The following PTPRD variants were observed in gnomAD, a reference collection of about 807,000 sequenced individuals.
PTPRD encodes the protein receptor-type tyrosine-protein phosphatase delta.
Under a neutral mutation model 214.5 loss-of-function variants are expected in PTPRD, and 34 were observed. The ratio of observed to expected loss-of-function variants is 0.16; its 90% CI spans 0.12 to 0.21. PTPRD has a LOEUF of 0.21. Among genes scored for constraint, PTPRD ranks in the 10% least tolerant of loss-of-function variants. The pLI is 1.00. For missense variants in PTPRD, 2,545 were observed against 2,398.7 expected (o/e 1.06, Z -1.27); for synonymous variants, 1,128 against 845.7 (o/e 1.33, Z -5.79).
intron 14 of PTPRD, among the ~76,000 whole-genome samples, chr9:8,632,056 T>C (rs566880055): frequency 2.0e-5 from 3 of 151,816 alleles, no homozygotes; most frequent in Non-Finnish European, 1.5e-5. Flanking sequence ...GTTTATACTA[T>C]TTCAAACGTA....
intron 9 of PTPRD, among the ~76,000 whole-genome samples, chr9:9,237,828 T>C (rs962775667): frequency 2.0e-5 from 3 of 152,152 alleles, no homozygotes; most frequent in Non-Finnish European, 4.4e-5. Flanking sequence ...GCTTCTTTTC[T>C]TGTTGCCATG....
At chr9:8,505,360 C>T (rs1304736162) in intron 22 of PTPRD, among the ~76,000 whole-genome samples, 3 of 152,084 alleles carry the variant, frequency 2.0e-5, no homozygotes, top group African/African-American at 2.4e-5. Context: ...CGGTGGCTCA[C>T]GCCTGTAATC....
chr9:8,645,774 C>T (rs1440302017), intron 12 of PTPRD, among the ~76,000 whole-genome samples: 1 of 151,878 alleles, frequency 6.6e-6, no homozygotes, highest in African/African-American at 2.4e-5. Context: ...GAAAGATTAC[C>T]TTCCAGCATC....
At chr9:8,826,293 G>A (rs2097173775) in intron 11 of PTPRD, among the ~76,000 whole-genome samples, 1 of 151,992 alleles carries the variant, frequency 6.6e-6, no homozygotes, top group Admixed American at 6.6e-5. Context: ...AAAGCATCCA[G>A]AATAATTTAT....
intron 2 of PTPRD, among the ~76,000 whole-genome samples, chr9:10,481,359 T>G (rs978705327): frequency 3.3e-5 from 5 of 152,172 alleles, no homozygotes; most frequent in Non-Finnish European, 7.4e-5. Flanking sequence ...TATGGAGAAA[T>G]TATATGATTC....
chr9:9,007,935 T>G (rs2099487722), intron 11 of PTPRD, among the ~76,000 whole-genome samples: 1 of 58,956 alleles, frequency 1.7e-5, no homozygotes, highest in Non-Finnish European at 4.6e-5. Flanking sequence ...ATTTTATTAT[T>G]ATTATACTTT....
Position 8,601,533 on chromosome 9 carries a change from A to G in PTPRD, c.352+31784T>C, listed in dbSNP as rs146626175. Among the ~76,000 whole-genome samples, 11 of 152,250 alleles carry G rather than the reference A, an allele frequency of 7.2e-5. No homozygotes were observed. The East Asian group carries it at 1.7e-3, about 24-fold the overall frequency. The stretch of plus-strand genomic sequence containing the variant: ...CCTCACCCTTGGCTCCAGGCAGCTC[A>G]GCACACAGAGACAGACTCCATTTGT... On this transcript the variant is annotated intron_variant, in intron 14 of 45. Transcript: ENST00000381196.
In PTPRD at chr9:8,317,860, T is replaced by G. The variant is rs1822994404; in HGVS notation, c.*14A>C. 6.2e-7 allele frequency: 1 copy of G among 1,611,222 alleles called. No individual in the cohort carries two copies. The highest frequency in any genetic ancestry group is 8.5e-7 in the Non-Finnish European group (1 of 1,177,974). On this transcript the variant is annotated 3_prime_UTR_variant, in exon 46 of 46. Coordinates refer to ENST00000381196, the MANE Select transcript of PTPRD (RefSeq NM_002839.4). ...AAGGGCCTGTAGTAAAAATCCAGAATGGGTCAGGGGTTTCTACGTTGCATA... is the reference window on the plus strand; with the variant it reads ...AAGGGCCTGTAGTAAAAATCCAGAAGGGGTCAGGGGTTTCTACGTTGCATA...
intron 14 of PTPRD, among the ~76,000 whole-genome samples, chr9:8,545,849 A>G (rs1477520639): frequency 1.3e-5 from 2 of 152,242 alleles, no homozygotes; most frequent in African/African-American, 2.4e-5. Context: ...TATGGTATAA[A>G]TTGGTCATTC....
intron 8 of PTPRD, among the ~76,000 whole-genome samples, chr9:9,461,440 T>G (rs561236811): frequency 5.9e-5 from 9 of 152,116 alleles, no homozygotes; most frequent in African/African-American, 2.2e-4. Context: ...TCAAGTCAAG[T>G]AGCCCAGGGA....
chr9:10,277,184 C>CAACATA (rs1564958829), intron 3 of PTPRD, among the ~76,000 whole-genome samples: 1 of 133,802 alleles, frequency 7.5e-6, no homozygotes, highest in Non-Finnish European at 1.6e-5. Context: ...AGTAAAAAAA[C>CAACATA]AACATAAACA....
At chr9:9,421,558 G>A (rs1183120654) in intron 8 of PTPRD, among the ~76,000 whole-genome samples, 1 of 152,070 alleles carries the variant, frequency 6.6e-6, no homozygotes, top group East Asian at 1.9e-4. Context: ...CTGGGCAGAA[G>A]ATAATCTGAA....
chr9:9,455,388 A>T (rs1036696459), intron 8 of PTPRD, among the ~76,000 whole-genome samples: 6 of 151,540 alleles, frequency 4.0e-5, no homozygotes, highest in African/African-American at 1.5e-4. Context: ...TTTCATTTTG[A>T]TTTTTATATA....
chr9:9,376,143 G>A (rs1433715004), intron 9 of PTPRD, among the ~76,000 whole-genome samples: 1 of 151,944 alleles, frequency 6.6e-6, no homozygotes, highest in Non-Finnish European at 1.5e-5. Flanking sequence ...ACGTATTTCA[G>A]TGTTAAAAAC....
chr9:10,020,262 T>C (rs2096822486), intron 4 of PTPRD, among the ~76,000 whole-genome samples: 1 of 152,204 alleles, frequency 6.6e-6, no homozygotes, highest in African/African-American at 2.4e-5. Context: ...CACAATACTA[T>C]CCCCTAGCTT....
intron 5 of PTPRD, among the ~76,000 whole-genome samples, chr9:9,813,704 G>T (rs2047879924): frequency 6.6e-6 from 1 of 152,052 alleles, no homozygotes; most frequent in South Asian, 2.1e-4. Context: ...GTGATTAAAA[G>T]CAGTCCTTTT....
intron 7 of PTPRD, among the ~76,000 whole-genome samples, chr9:9,716,053 T>G (rs2097821702): frequency 6.6e-6 from 1 of 150,858 alleles, no homozygotes; most frequent in Admixed American, 6.6e-5. Flanking sequence ...CCTTCCTGTG[T>G]CCATGTGATC....
In PTPRD at chr9:9,191,754, CAATT is replaced by C. The variant is rs2099935331; in HGVS notation, c.-202-8395_-202-8392del. 4.0e-5 allele frequency among the ~76,000 whole-genome samples: 6 copies of C among 151,886 alleles called. No individual in the cohort carries two copies. In the South Asian group the frequency reaches 1.2e-3, roughly 32 times the overall value. On this transcript the variant is annotated intron_variant, in intron 9 of 45. Transcript: ENST00000381196. ...AAGTTTATACTTTAGCTTCTTGCAT[CAATT>C]AATTAATAAAATTTATATAGGTATT...
intron 3 of PTPRD, among the ~76,000 whole-genome samples, chr9:10,258,675 A>C (rs1022981705): frequency 1.3e-5 from 2 of 152,222 alleles, no homozygotes; most frequent in Non-Finnish European, 2.9e-5. Flanking sequence ...TAGAAATACC[A>C]AATTTGTATG....
Sources: gnomAD v4.1 joint callset for allele counts (sites outside exome capture counted in the v4.1 genomes callset) on GRCh38, gnomAD v4.1.1 for gene constraint, MANE v1.5 for transcripts, NCBI Gene and HGNC (gene_info 2026-07-23, HGNC 2026-07-21) for gene names.